CSGALNACT1: variants seen among roughly 807,000 people sequenced by gnomAD.
CSGALNACT1 encodes chondroitin sulfate N-acetylgalactosaminyltransferase 1.
Under a neutral mutation model 51.0 loss-of-function variants are expected in CSGALNACT1, and 52 were observed. That is an observed-to-expected ratio of 1.02 (90% CI 0.82 to 1.29). The LOEUF is 1.29. Among genes scored for constraint, CSGALNACT1 ranks in the 50% most tolerant of loss-of-function variants. The pLI is 0.00. For synonymous variants in CSGALNACT1, 341 were observed against 254.4 expected, an observed-to-expected ratio of 1.34 and a Z score of -3.24; for missense variants, 935 against 679.2, an observed-to-expected ratio of 1.38 and a Z score of -4.19.
intron 3 of CSGALNACT1, among the ~76,000 whole-genome samples, chr8:19,510,837 G>A (rs1377753885): frequency 1.3e-5 from 2 of 152,256 alleles, no homozygotes; most frequent in East Asian, 3.9e-4. Context: ...CATCTCAGAA[G>A]GTAAAACAAA....
At chr8:19,587,621 C>A (rs2046932534) in intron 3 of CSGALNACT1, among the ~76,000 whole-genome samples, 1 of 152,118 alleles carries the variant, frequency 6.6e-6, no homozygotes, top group Non-Finnish European at 1.5e-5. Context: ...TTAGCAATAC[C>A]ACAAACCTAT....
intron 1 of CSGALNACT1, among the ~76,000 whole-genome samples, chr8:19,703,081 G>T (rs1357368355): frequency 6.6e-6 from 1 of 152,156 alleles, no homozygotes; most frequent in East Asian, 1.9e-4. Context: ...GAAGAAGGGA[G>T]GTCATTGGGA....
At chr8:19,586,049 C>G (rs1196182512) in intron 3 of CSGALNACT1, among the ~76,000 whole-genome samples, 20 of 152,080 alleles carry the variant, frequency 1.3e-4, no homozygotes, top group Non-Finnish European at 4.4e-5. Context: ...CTCTAGGAAA[C>G]ATGCTTAACA....
chr8:19,549,945 T>C (rs2087536334), intron 3 of CSGALNACT1, among the ~76,000 whole-genome samples: 1 of 152,182 alleles, frequency 6.6e-6, no homozygotes. Flanking sequence ...ACCTTTTCTC[T>C]GTTAAACATT....
chr8:19,677,531 T>C (rs1256295291), intron 1 of CSGALNACT1, among the ~76,000 whole-genome samples: 1 of 152,028 alleles, frequency 6.6e-6, no homozygotes, highest in Non-Finnish European at 1.5e-5. Flanking sequence ...CTTCAGTAAG[T>C]GAGAAGGACA....
At position 19,732,156 on chromosome 8, in the gene CSGALNACT1, G is replaced by A. The variant is rs75148920; in HGVS notation, c.-297+25694C>T. ...TTCTCCCTTTTTTCTAGAAATTAGT[G>A]TGCTTAAAACGGCACGTTATCAAAT... On this transcript the variant is annotated intron_variant, in intron 1 of 1. Coordinates refer to the CSGALNACT1 transcript ENST00000517494. Among the ~76,000 whole-genome samples, 986 of 152,270 alleles carry A rather than the reference G, an allele frequency of 6.5e-3. 11 individuals are homozygous for A. Among genetic ancestry groups the A allele is most frequent in the African/African-American group, 0.022 (934 of 41,558 alleles).
chr8:19,598,023 C>A (rs1201750047), intron 2 of CSGALNACT1, among the ~76,000 whole-genome samples: 1 of 152,192 alleles, frequency 6.6e-6, no homozygotes. Context: ...CAAGATAAGT[C>A]TCAGGCATGG....
At chr8:19,508,883 T>C (rs2077893100) in intron 3 of CSGALNACT1, among the ~76,000 whole-genome samples, 1 of 152,232 alleles carries the variant, frequency 6.6e-6, no homozygotes, top group Non-Finnish European at 1.5e-5. Flanking sequence ...CTGGAATATC[T>C]TTTTGTTCTG....
chr8:19,454,377 A>G (rs576594728), intron 5 of CSGALNACT1, among the ~76,000 whole-genome samples: 2 of 152,366 alleles, frequency 1.3e-5, no homozygotes, highest in African/African-American at 2.4e-5. Context: ...TCAAGGTCAC[A>G]GTAACAGATT....
chr8:19,655,453 T>G (rs1037967240), intron 1 of CSGALNACT1, among the ~76,000 whole-genome samples: 3 of 152,030 alleles, frequency 2.0e-5, no homozygotes, highest in Non-Finnish European at 4.4e-5. Context: ...CTTGACCTCC[T>G]TGGCTCAATC....
intron 8 of CSGALNACT1, among the ~76,000 whole-genome samples, chr8:19,410,220 A>G (rs1238572046): frequency 6.6e-6 from 1 of 152,208 alleles, no homozygotes; most frequent in Non-Finnish European, 1.5e-5. Flanking sequence ...GTCCCCAGCA[A>G]GTATTCTCAA....
intron 1 of CSGALNACT1, among the ~76,000 whole-genome samples, chr8:19,701,152 C>CTTTTTTT (rs1230956394): frequency 3.7e-5 from 2 of 54,316 alleles, no homozygotes; most frequent in Non-Finnish European, 7.9e-5. Flanking sequence ...ATCTATTATC[C>CTTTTTTT]GTTTTTTTTT....
At chr8:19,459,000 T>C (rs146620604) in intron 4 of CSGALNACT1, among the ~76,000 whole-genome samples, 10 of 152,346 alleles carry the variant, frequency 6.6e-5, no homozygotes, top group African/African-American at 2.4e-4. Context: ...TCTTTTCTTC[T>C]AGTATCCAAA....
chr8:19,658,476 G>C (rs1276753678), intron 1 of CSGALNACT1, among the ~76,000 whole-genome samples: 2 of 152,208 alleles, frequency 1.3e-5, no homozygotes, highest in Non-Finnish European at 2.9e-5. Context: ...GTTCATGCCT[G>C]TAATCCCAGC....
chr8:19,604,785 G>A (rs1014076967), upstream of CSGALNACT1, among the ~76,000 whole-genome samples: 1 of 151,348 alleles, frequency 6.6e-6, no homozygotes, highest in Non-Finnish European at 1.5e-5. Flanking sequence ...CACGATGGCA[G>A]GTGCCTGTAG....
intron 1 of CSGALNACT1, among the ~76,000 whole-genome samples, chr8:19,620,660 C>A (rs2154160595): frequency 6.6e-6 from 1 of 152,282 alleles, no homozygotes; most frequent in South Asian, 2.1e-4. Context: ...GTCTTCAACT[C>A]CTGGCTTAAA....
chr8:19,404,252 A>T (rs1172957539), exon 10 of CSGALNACT1: 5 of 440,936 alleles, frequency 1.1e-5, no homozygotes, highest in Admixed American at 9.9e-5. Context: ...TACCAGTACA[A>T]ATCAATACAA....
intron 3 of CSGALNACT1, among the ~76,000 whole-genome samples, chr8:19,510,852 G>C (rs535923852): frequency 2.0e-5 from 3 of 152,222 alleles, no homozygotes; most frequent in African/African-American, 7.2e-5. Flanking sequence ...AACAAAGGCA[G>C]GTCAGGTTTG....
chr8:19,410,176 A>C (rs913792466), intron 8 of CSGALNACT1, among the ~76,000 whole-genome samples: 4 of 152,210 alleles, frequency 2.6e-5, no homozygotes, highest in Admixed American at 1.3e-4. Context: ...GCTCAAGGAA[A>C]GTAGAACCAA....
Sources: allele counts gnomAD v4.1 joint callset (sites outside exome capture counted in the v4.1 genomes callset), GRCh38; gene constraint gnomAD v4.1.1; transcripts MANE v1.5; gene names NCBI Gene and HGNC (gene_info 2026-07-23, HGNC 2026-07-21).